Variants in SLC44A1 observed in about 807,000 individuals in gnomAD.
SLC44A1 encodes the protein solute carrier family 44 member 1, also known as choline transporter-like protein 1.
SLC44A1 carries 26 observed loss-of-function variants against 79.3 expected under a neutral mutation model. The ratio of observed to expected loss-of-function variants is 0.33; its 90% CI spans 0.24 to 0.46. The LOEUF (loss-of-function observed/expected upper bound fraction) is 0.46. SLC44A1 is among the 20% of genes least tolerant of loss of function. SLC44A1 has a pLI of 1.00. For missense variants in SLC44A1, 688 were observed against 798.1 expected, an observed-to-expected ratio of 0.86 and a Z score of 1.66; for synonymous variants, 263 against 286.2, an observed-to-expected ratio of 0.92 and a Z score of 0.82.
intron 4 of SLC44A1, among the ~76,000 whole-genome samples, chr9:105,337,939 T>C (rs563594937): frequency 4.5e-4 from 68 of 152,360 alleles, no homozygotes; most frequent in South Asian, 2.1e-3. Flanking sequence ...TACAGCTTTG[T>C]ATTTCTCACT....
intron 15 of SLC44A1, among the ~76,000 whole-genome samples, chr9:105,428,385 C>T (rs934989846): frequency 3.9e-5 from 6 of 152,122 alleles, no homozygotes; most frequent in African/African-American, 1.4e-4. Context: ...TTTATTCCTT[C>T]CCCCATCAAC....
chr9:105,274,523 C>G (rs1230890075), intron 1 of SLC44A1, among the ~76,000 whole-genome samples: 1 of 152,216 alleles, frequency 6.6e-6, no homozygotes, highest in Non-Finnish European at 1.5e-5. Flanking sequence ...ACCTCCTTCT[C>G]TGAACACAGC....
chr9:105,255,093 G>GTTTTTTTTTT (rs1168193382), intron 1 of SLC44A1, among the ~76,000 whole-genome samples: 1 of 141,810 alleles, frequency 7.1e-6, no homozygotes, highest in African/African-American at 2.7e-5. Context: ...TTACTTTCAG[G>GTTTTTTTTTT]TTTTTTTGTT....
intron 4 of SLC44A1, among the ~76,000 whole-genome samples, chr9:105,339,654 A>C (rs933997994): frequency 1.3e-5 from 2 of 151,988 alleles, no homozygotes; most frequent in Non-Finnish European, 2.9e-5. Context: ...ACGTAGTGAG[A>C]TCTCGTCTCT....
chr9:105,313,961 G>A (rs964721839), intron 3 of SLC44A1, among the ~76,000 whole-genome samples: 17 of 151,636 alleles, frequency 1.1e-4, no homozygotes, highest in African/African-American at 3.4e-4. Flanking sequence ...ACTGGGTTTC[G>A]CCATGTTGCC....
At chr9:105,338,655 C>T (rs1236881452) in intron 4 of SLC44A1, among the ~76,000 whole-genome samples, 1 of 152,172 alleles carries the variant, frequency 6.6e-6, no homozygotes, top group African/African-American at 2.4e-5. Flanking sequence ...CTTAAGCGAT[C>T]CTCCCTCCTC....
chr9:105,400,908 C>T (rs368705736), downstream of SLC44A1, among the ~76,000 whole-genome samples: 19 of 152,228 alleles, frequency 1.2e-4, 1 homozygote, highest in East Asian at 3.1e-3. Context: ...TATCAATATA[C>T]GTAATATTTA....
intron 1 of SLC44A1, among the ~76,000 whole-genome samples, chr9:105,254,880 A>G (rs768760767): frequency 9.9e-5 from 15 of 151,996 alleles, no homozygotes; most frequent in Non-Finnish European, 1.5e-4. Context: ...CTAGCTTACA[A>G]TCTCCTTTTC....
At chr9:105,328,899 T>C (rs1826665110) in intron 3 of SLC44A1, among the ~76,000 whole-genome samples, 1 of 152,194 alleles carries the variant, frequency 6.6e-6, no homozygotes, top group Non-Finnish European at 1.5e-5. Context: ...GTTGGGTTTC[T>C]TGGGTTTCAC....
chr9:105,299,713 A>C, intron 2 of SLC44A1: 1 of 889,998 alleles, frequency 1.1e-6, no homozygotes, highest in Non-Finnish European at 1.3e-6. Context: ...CTGGTTGCTC[A>C]CTGCTCCTTC....
At chr9:105,351,578 A>AGAGAGAGAGAGAGGGAGGGAG (rs1827419519) in intron 5 of SLC44A1, among the ~76,000 whole-genome samples, 1 of 119,964 alleles carries the variant, frequency 8.3e-6, no homozygotes, top group Admixed American at 8.0e-5. Context: ...GAAAGAGAGA[A>AGAGAGAGAGAGAGGGAGGGAG]AGAGAGAAAG....
chr9:105,267,702 C>T (rs766114319), intron 1 of SLC44A1, among the ~76,000 whole-genome samples: 1 of 151,946 alleles, frequency 6.6e-6, no homozygotes, highest in African/African-American at 2.4e-5. Flanking sequence ...CTTTTTCTTC[C>T]AAGTTATTTT....
At chr9:105,326,275 T>C (rs2131341884) in intron 3 of SLC44A1, among the ~76,000 whole-genome samples, 1 of 152,324 alleles carries the variant, frequency 6.6e-6, no homozygotes, top group Non-Finnish European at 1.5e-5. Flanking sequence ...CTGGCTGTGT[T>C]GCCCAGGCTA....
At chr9:105,347,302 A>G (rs1464180358) in intron 4 of SLC44A1, among the ~76,000 whole-genome samples, 1 of 152,082 alleles carries the variant, frequency 6.6e-6, no homozygotes, top group African/African-American at 2.4e-5. Flanking sequence ...TTAATAATAA[A>G]GTATTTGACC....
At chr9:105,331,739 G>A (rs150364122) in intron 3 of SLC44A1, among the ~76,000 whole-genome samples, 2,981 of 152,296 alleles carry the variant, frequency 0.02, 50 homozygotes, top group Non-Finnish European at 0.029. Flanking sequence ...ATAGAGAACA[G>A]TTAAATTTAC....
intron 15 of SLC44A1, among the ~76,000 whole-genome samples, chr9:105,429,310 G>A (rs993192934): frequency 3.9e-5 from 6 of 152,058 alleles, no homozygotes; most frequent in Admixed American, 6.6e-5. Context: ...GTTTGTTTTC[G>A]TTTTTGTTTT....
intron 4 of SLC44A1, among the ~76,000 whole-genome samples, chr9:105,344,944 A>G (rs1181489074): frequency 6.6e-6 from 1 of 152,202 alleles, no homozygotes; most frequent in Non-Finnish European, 1.5e-5. Context: ...TAGCTGGGAA[A>G]GGACAGCGCA....
chr9:105,365,932 C>T (rs141258469), intron 11 of SLC44A1, among the ~76,000 whole-genome samples: 65 of 152,336 alleles, frequency 4.3e-4, no homozygotes, highest in Non-Finnish European at 7.9e-4. Context: ...ATAACATGCA[C>T]TTCAACTAGT....
intron 15 of SLC44A1, among the ~76,000 whole-genome samples, chr9:105,408,039 G>A (rs991295880): frequency 2.6e-5 from 4 of 151,504 alleles, no homozygotes; most frequent in South Asian, 2.1e-4. Context: ...AGTGGTAGGC[G>A]CCTGTAATCC....
Sources: allele counts gnomAD v4.1 joint callset (sites outside exome capture counted in the v4.1 genomes callset), GRCh38; gene constraint gnomAD v4.1.1; transcripts MANE v1.5; gene names NCBI Gene and HGNC (gene_info 2026-07-23, HGNC 2026-07-21).